Variants in MLLT10 observed in about 807,000 individuals in gnomAD.
The protein encoded by MLLT10 is MLLT10 histone lysine methyltransferase DOT1L cofactor.
A neutral mutation model predicts 129.1 loss-of-function variants in MLLT10; 30 were observed. That is an observed-to-expected ratio of 0.23 (90% CI 0.17 to 0.32). The LOEUF (loss-of-function observed/expected upper bound fraction) is 0.32. MLLT10 is among the 10% of genes least tolerant of loss of function. The pLI is 1.00. For missense variants in MLLT10, 1,119 were observed against 1,268.3 expected (o/e 0.88, Z 1.79); for synonymous variants, 490 against 446.4 (o/e 1.10, Z -1.23).
intron 8 of MLLT10, among the ~76,000 whole-genome samples, chr10:21,628,470 C>CT (rs1241734464): frequency 1.5e-5 from 2 of 133,120 alleles, no homozygotes; most frequent in African/African-American, 5.7e-5. Flanking sequence ...GAGTCTAGCT[C>CT]TGTCACCCAG....
chr10:21,636,575 T>A (rs2047484761), intron 8 of MLLT10, among the ~76,000 whole-genome samples: 1 of 151,968 alleles, frequency 6.6e-6, no homozygotes, highest in African/African-American at 2.4e-5. Context: ...ATTTCTTTTC[T>A]TTTCTTTTTT....
At chr10:21,557,867 C>CA (rs2038242764) in intron 3 of MLLT10, 3 of 148,106 alleles carry the variant, frequency 2.0e-5, no homozygotes. Context: ...GTGCTGTTTG[C>CA]AAAACAAGGG....
chr10:21,566,033 C>A (rs1452165681), intron 3 of MLLT10, among the ~76,000 whole-genome samples: 1 of 146,498 alleles, frequency 6.8e-6, no homozygotes, highest in Non-Finnish European at 1.5e-5. Context: ...GCTCACTGCA[C>A]CCTCCACCTA....
intron 13 of MLLT10, among the ~76,000 whole-genome samples, chr10:21,695,608 C>T (rs772965605): frequency 2.4e-4 from 36 of 152,098 alleles, no homozygotes; most frequent in African/African-American, 4.3e-4. Context: ...TTTCTATTTT[C>T]GAAGTGTCTT....
intron 3 of MLLT10, among the ~76,000 whole-genome samples, chr10:21,545,927 A>G (rs1325595580): frequency 6.6e-6 from 1 of 151,944 alleles, no homozygotes; most frequent in East Asian, 1.9e-4. Flanking sequence ...TTGTCCTCCT[A>G]AAGTGTTGGG....
At chr10:21,716,917 A>G (rs1328065430) in intron 14 of MLLT10, among the ~76,000 whole-genome samples, 4 of 152,016 alleles carry the variant, frequency 2.6e-5, no homozygotes, top group Non-Finnish European at 4.4e-5. Context: ...TGTGATATAC[A>G]TTTTAAGTAA....
At position 21,701,845 on chromosome 10, in the gene MLLT10, T is replaced by G. The variant is rs1201206241; in HGVS notation, c.1700-11927T>G. Among the ~76,000 whole-genome samples, 6 of 152,232 alleles carry G rather than the reference T, an allele frequency of 3.9e-5. No homozygotes were observed. The East Asian group carries it at 1.2e-3, about 29-fold the overall frequency. ...CTCAGGCAGTCCACCAGCCTCAGCC[T>G]CCCAAAGTGCTGGGGTTACAGGCGT... On this transcript the variant is annotated intron_variant, in intron 13 of 22. Transcript: ENST00000307729.
intron 13 of MLLT10, among the ~76,000 whole-genome samples, chr10:21,706,273 G>A (rs2055486866): frequency 6.6e-6 from 1 of 152,134 alleles, no homozygotes. Flanking sequence ...TTACTATGTG[G>A]TAGACAGCAT....
chr10:21,589,214 A>AT (rs1380168626), intron 4 of MLLT10, among the ~76,000 whole-genome samples: 32 of 151,044 alleles, frequency 2.1e-4, no homozygotes, highest in African/African-American at 6.1e-4. Flanking sequence ...CTTTAAAAAA[A>AT]TTTTTTTTTA....
At chr10:21,537,933 T>C (rs917523900) in intron 2 of MLLT10, among the ~76,000 whole-genome samples, 2 of 152,210 alleles carry the variant, frequency 1.3e-5, no homozygotes, top group Non-Finnish European at 2.9e-5. Flanking sequence ...AAAACAAGAC[T>C]GTGATTAGAT....
chr10:21,709,230 C>CT (rs33993302), intron 13 of MLLT10, among the ~76,000 whole-genome samples: 106 of 143,544 alleles, frequency 7.4e-4, no homozygotes, highest in South Asian at 1.1e-3. Context: ...ATTTTATCTG[C>CT]TTTTTTTTTT....
At chr10:21,735,939 G>A (rs771477840) in intron 21 of MLLT10, among the ~76,000 whole-genome samples, 5 of 152,030 alleles carry the variant, frequency 3.3e-5, no homozygotes, top group East Asian at 3.9e-4. Flanking sequence ...AATCTATTAC[G>A]GAGGATTTCA....
chr10:21,686,742 G>T (rs1280680319), intron 13 of MLLT10, among the ~76,000 whole-genome samples: 1 of 152,120 alleles, frequency 6.6e-6, no homozygotes, highest in South Asian at 2.1e-4. Context: ...CAGCACTTTG[G>T]GAGGCCGAGG....
intron 8 of MLLT10, among the ~76,000 whole-genome samples, chr10:21,636,108 T>C (rs757031364): frequency 6.6e-6 from 1 of 151,998 alleles, no homozygotes; most frequent in East Asian, 1.9e-4. Flanking sequence ...TCTCTGTCTT[T>C]TGCATGGGTT....
intron 15 of MLLT10, among the ~76,000 whole-genome samples, 181 bp downstream of exon 15, chr10:21,726,536 C>G (rs1413694705): frequency 2.0e-5 from 3 of 151,976 alleles, no homozygotes; most frequent in African/African-American, 7.3e-5. Flanking sequence ...TGTTAACTAG[C>G]TTGATTTTAT....
At chr10:21,581,139 G>C (rs568200019) in intron 3 of MLLT10, among the ~76,000 whole-genome samples, 2 of 149,374 alleles carry the variant, frequency 1.3e-5, no homozygotes, top group African/African-American at 4.9e-5. Context: ...TCTGCTTCCC[G>C]GGTTCACACC....
chr10:21,534,836 G>A (rs781095766), intron 2 of MLLT10, 32 bp downstream of exon 2: 2 of 1,540,784 alleles, frequency 1.3e-6, no homozygotes, highest in East Asian at 2.5e-5. Context: ...GGGGCGCGCC[G>A]GCCTGCGCCC....
intron 13 of MLLT10, among the ~76,000 whole-genome samples, chr10:21,687,272 G>T (rs1352755583): frequency 6.6e-6 from 1 of 152,174 alleles, no homozygotes; most frequent in East Asian, 1.9e-4. Flanking sequence ...AGGCTTGTCA[G>T]ACTAGTTTAT....
intron 3 of MLLT10, among the ~76,000 whole-genome samples, chr10:21,544,322 G>A (rs571137736): frequency 1.3e-5 from 2 of 152,132 alleles, no homozygotes; most frequent in African/African-American, 4.8e-5. Context: ...CCTTTGAGAA[G>A]ACAATAAAAC....
Sources: allele counts gnomAD v4.1 joint callset (sites outside exome capture counted in the v4.1 genomes callset), GRCh38; gene constraint gnomAD v4.1.1; transcripts MANE v1.5; gene names NCBI Gene and HGNC (gene_info 2026-07-23, HGNC 2026-07-21).